NEIL1: variants seen among roughly 807,000 people sequenced by gnomAD.
The protein encoded by NEIL1 is nei like DNA glycosylase 1, also known as endonuclease 8-like 1.
NEIL1 carries 31 observed loss-of-function variants against 44.2 expected under a neutral mutation model. The observed-to-expected ratio is 0.70, with a 90% CI of 0.53 to 0.95. The LOEUF (loss-of-function observed/expected upper bound fraction) is 0.95, where lower values mean the gene tolerates loss of function less well. Among genes scored for constraint, NEIL1 ranks in the 40% least tolerant of loss-of-function variants. The probability of loss-of-function intolerance (pLI) is 0.00; values close to 1 mark genes in which losing one functional copy is unlikely to be tolerated. For missense variants in NEIL1, 549 were observed against 515.5 expected, an observed-to-expected ratio of 1.07 and a Z score of -0.63; for synonymous variants, 254 against 209.7, an observed-to-expected ratio of 1.21 and a Z score of -1.83.
At position 75,349,003 on chromosome 15, in the gene NEIL1, G is replaced by C. The variant is rs201878868; in HGVS notation, c.98G>C (p.Ser33Thr). Residue 33 changes from serine to threonine, a missense_variant, in exon 2 of 10, where the codon AGC becomes ACC. Physicochemically the swap from Ser to Thr is moderately conservative, Grantham distance 58 (BLOSUM62 1). Coordinates refer to ENST00000355059, the MANE Select transcript of NEIL1 (RefSeq NM_024608.4). ...GGCTGCGTGGAGAAGTCCTCTGTCAGCCGCAACCCTGAGGTGCCCTTTGAG... is the reference window on the plus strand; with the variant it reads ...GGCTGCGTGGAGAAGTCCTCTGTCACCCGCAACCCTGAGGTGCCCTTTGAG... ...FGGCVEKSSV[S>T]RNPEVPFESS... 64 of 1,613,654 alleles carry C rather than the reference G, an allele frequency of 4.0e-5. No individual in the cohort carries two copies. Among genetic ancestry groups the C allele is most frequent in the Non-Finnish European group, 3.4e-6 (4 of 1,180,040 alleles).
intron 5 of NEIL1, chr15:75,353,322 A>G (rs2072079789): frequency 3.4e-6 from 1 of 297,000 alleles, no homozygotes; most frequent in African/African-American, 2.2e-5. Context: ...AACTGGGCTC[A>G]AGTGATCCTC....
At chr15:75,351,171 G>C in intron 2 of NEIL1, 1 of 438,032 alleles carries the variant, frequency 2.3e-6, no homozygotes, top group Non-Finnish European at 4.5e-6. Flanking sequence ...TATACAGGGA[G>C]CTCCAGACTG....
At position 75,356,809 on chromosome 15, in the gene NEIL1, T is replaced by C; in HGVS notation, c.*1775T>C. The stretch of plus-strand genomic sequence containing the variant: ...CCCACTTACAGCGAGAGGCTGAGGA[T>C]GCTGCCTCGCACTGACGCGCCATAC... On this transcript the variant is annotated 3_prime_UTR_variant, in exon 10 of 10. Coordinates refer to ENST00000355059, the MANE Select transcript of NEIL1 (RefSeq NM_024608.4). This position sits in a 1 kb window ranked among gnomAD's most constrained non-coding sequence, Gnocchi z 5.8. The C allele has an allele frequency of 1.2e-6, 2 of 1,614,098 alleles. No individual in the cohort carries two copies. Among genetic ancestry groups the C allele is most frequent in the South Asian group, 1.1e-5 (1 of 91,088 alleles).
intron 6 of NEIL1, 97 bp downstream of exon 6, chr15:75,353,963 CT>C: frequency 3.4e-6 from 5 of 1,477,036 alleles, no homozygotes; most frequent in Non-Finnish European, 4.6e-6. Context: ...CAGGGTCTGT[CT>C]AGACCCTCCA....
rs1042243559 is a variant in NEIL1, at chr15:75,349,068, G to C, written c.163G>C (p.Glu55Gln). Residue 55 changes from glutamate (E) to glutamine (Q), a missense_variant, in exon 2 of 10, where the codon GAG (glutamate) becomes CAG (glutamine). By Grantham distance (29) the Glu-to-Gln change is conservative. Coordinates refer to ENST00000355059, the MANE Select transcript of NEIL1 (RefSeq NM_024608.4). Reference protein sequence around the residue: ...YRISASARGKELRLILSPLPG... With the variant: ...YRISASARGKQLRLILSPLPG... Reference sequence around the variant, plus strand: ...CATCTCAGCTTCAGCCCGCGGCAAGGAGCTGCGCCTGATACTGAGCCCTCT... The same window carrying C: ...CATCTCAGCTTCAGCCCGCGGCAAGCAGCTGCGCCTGATACTGAGCCCTCT... The C allele has an allele frequency of 1.4e-5, 22 of 1,613,312 alleles. No individual in the cohort carries two copies. Among genetic ancestry groups the C allele is most frequent in the Non-Finnish European group, 1.4e-5 (16 of 1,179,980 alleles).
chr15:75,356,380 G>C lies in NEIL1; in HGVS notation c.*1346G>C. ...GGAGGTGGCGGGCGCTGGGCTGGGG[G>C]CTGGCAGAGCCAACAGGGGGAAGTT... On this transcript the variant is annotated 3_prime_UTR_variant, in exon 10 of 10. Transcript: ENST00000355059. This position sits in a 1 kb window ranked among gnomAD's most constrained non-coding sequence, Gnocchi z 5.8. 6.2e-7 allele frequency: 1 copy of C among 1,611,606 alleles called. No individual in the cohort carries two copies. Among genetic ancestry groups the C allele is most frequent in the South Asian group, 1.1e-5 (1 of 90,598 alleles).
At chr15:75,349,589 G>A (rs1254219593) in intron 2 of NEIL1, 2 of 516,820 alleles carry the variant, frequency 3.9e-6, no homozygotes, top group South Asian at 2.7e-5. Flanking sequence ...GCCGAGGCGG[G>A]CAGATCACGA....
chr15:75,350,751 G>A (rs950277744), intron 2 of NEIL1, among the ~76,000 whole-genome samples: 3 of 152,058 alleles, frequency 2.0e-5, no homozygotes, highest in Non-Finnish European at 2.9e-5. Context: ...GGGGAGTCAC[G>A]CCACAAGTTA....
rs1307036480 is a variant in NEIL1 at position 75,354,414 on chromosome 15, A to C, written c.875-17A>C. On this transcript the variant is annotated splice_polypyrimidine_tract_variant and intron_variant, in intron 7 of 9. Coordinates refer to ENST00000355059, the MANE Select transcript of NEIL1 (RefSeq NM_024608.4). ...GGCAGGATAGGACCCTCCAACTCCAACACCAGTGTCCTGCAGGGCGCAAGT... is the reference window on the plus strand; with the variant it reads ...GGCAGGATAGGACCCTCCAACTCCACCACCAGTGTCCTGCAGGGCGCAAGT... 39 of 1,613,928 alleles carry C rather than the reference A, an allele frequency of 2.4e-5. No individual in the cohort carries two copies. Among genetic ancestry groups the C allele is most frequent in the Non-Finnish European group, 3.2e-5 (38 of 1,179,966 alleles).
chr15:75,357,115 A>G lies in NEIL1; in HGVS notation c.*2081A>G, dbSNP rs2072339069. 5.2e-6 allele frequency: 3 copies of G among 573,706 alleles called. No individual in the cohort carries two copies. The highest frequency in any genetic ancestry group is 1.9e-5 in the African/African-American group (1 of 53,440). The allele number at this position is 573,706 out of a possible 1,614,324, so 35.5% of individuals were successfully genotyped here. A position where few individuals can be genotyped will look rare whatever the true frequency, so the allele number is the denominator to read the frequency against. ...GGGAATAAATAATAGTACTCACCCC[A>G]TCGAATGATCATGAGTATCAAATTA... On this transcript the variant is annotated 3_prime_UTR_variant, in exon 10 of 10. Transcript: ENST00000355059.
chr15:75,349,376 G>C (rs759997914), intron 2 of NEIL1, 37 bp downstream of exon 2: 41 of 1,552,824 alleles, frequency 2.6e-5, no homozygotes, highest in Non-Finnish European at 3.6e-5. Context: ...CATAGTCGCG[G>C]GCTCCACACC....
At chr15:75,349,410 CCAA>C (rs557806672) in intron 2 of NEIL1, 71 bp downstream of exon 2, 9 of 1,435,954 alleles carry the variant, frequency 6.3e-6, no homozygotes, top group Non-Finnish European at 8.5e-6. Flanking sequence ...GCCTTCTTGG[CCAA>C]CAAGGGGCGA....
Position 75,355,797 on chromosome 15 carries a change from G to C in NEIL1, c.*763G>C. ...AAGGGGACTGAGCAGCAGGGTTCCC[G>C]ATCCAAGGATTTATTCCACAAGAAA... On this transcript the variant is annotated 3_prime_UTR_variant, in exon 10 of 10. Transcript: ENST00000355059. 8.6e-7 allele frequency: 1 copy of C among 1,168,270 alleles called. No individual in the cohort carries two copies. The allele number at this position is 1,168,270 out of a possible 1,614,324, so 72.4% of individuals were successfully genotyped here. A position where few individuals can be genotyped will look rare whatever the true frequency, so the allele number is the denominator to read the frequency against.
In NEIL1 at chr15:75,352,661, G is replaced by A. The variant is rs897446918; in HGVS notation, c.678G>A (p.Leu226=). Residue 226 remains leucine (L), a synonymous_variant, in exon 5 of 10, where the codon CTG becomes CTA. Coordinates refer to ENST00000355059, the MANE Select transcript of NEIL1 (RefSeq NM_024608.4). ...IRTKLQNPDL[L]ELCHSVPKEV... is the part of the protein sequence containing the mutation. ...CCAAGCTGCAGAATCCAGACCTGCT[G>A]GAGCTATGTCACTCAGTGCCCAAGG... 2 of 1,613,362 alleles carry A rather than the reference G, an allele frequency of 1.2e-6. No homozygotes were observed. The highest frequency in any genetic ancestry group is 8.5e-7 in the Non-Finnish European group (1 of 1,179,682).
At chr15:75,350,577 G>A (rs746020872) in intron 2 of NEIL1, among the ~76,000 whole-genome samples, 3 of 152,272 alleles carry the variant, frequency 2.0e-5, no homozygotes, top group East Asian at 1.9e-4. Flanking sequence ...GATGCTGTGC[G>A]TCCGTTGACC....
intron 1 of NEIL1, 49 bp downstream of exon 1, chr15:75,347,522 G>C (rs1450990978): frequency 6.5e-6 from 1 of 152,752 alleles, no homozygotes; most frequent in Admixed American, 6.5e-5. Context: ...CCAAGCTCGG[G>C]GACCCCACCC....
chr15:75,353,279 T>C (rs550990645), intron 5 of NEIL1: 12 of 265,768 alleles, frequency 4.5e-5, no homozygotes, highest in African/African-American at 2.4e-4. Context: ...TTGGTAGAGA[T>C]AGGATCTTGC....
Position 75,356,990 on chromosome 15 carries a change from C to G in NEIL1, c.*1956C>G, listed in dbSNP as rs2072334628. The G allele has an allele frequency of 9.1e-7, 1 of 1,092,898 alleles. No individual in the cohort carries two copies. Among genetic ancestry groups the G allele is most frequent in the Non-Finnish European group, 1.4e-6 (1 of 732,202 alleles). The allele number at this position is 1,092,898 out of a possible 1,614,324, so 67.7% of individuals were successfully genotyped here. A position where few individuals can be genotyped will look rare whatever the true frequency, so the allele number is the denominator to read the frequency against. ...AGAGCTCCTGTCACTAGGCCGAGCA[C>G]AAGCTCTAGAACCACACAACTGAAC... On this transcript the variant is annotated 3_prime_UTR_variant, in exon 10 of 10. Transcript: ENST00000355059. The surrounding 1 kb of genome is among the most constrained non-coding windows in gnomAD (Gnocchi z 5.8).
chr15:75,349,116 G>A lies in NEIL1; in HGVS notation c.211G>A (p.Glu71Lys), dbSNP rs1450639391. 3 of 1,611,668 alleles carry A rather than the reference G, an allele frequency of 1.9e-6. No individual in the cohort carries two copies. Among genetic ancestry groups the A allele is most frequent in the Middle Eastern group, 1.7e-4 (1 of 6,008 alleles). Residue 71 changes from glutamate (E) to lysine (K), a missense_variant, in exon 2 of 10, where the codon GAG becomes AAG. By Grantham distance (56) the Glu-to-Lys change is moderately conservative (BLOSUM62 1). Transcript: ENST00000355059. ...TCTGCCTGGGGCCCAGCCCCAACAG[G>A]AGCCACTGGCCCTGGTCTTCCGCTT... Reference protein sequence around the residue: ...SPLPGAQPQQEPLALVFRFGM... With the variant: ...SPLPGAQPQQKPLALVFRFGM...
Sources: gnomAD v4.1 joint callset for allele counts (sites outside exome capture counted in the v4.1 genomes callset) on GRCh38, gnomAD v4.1.1 for gene constraint, Gnocchi (gnomAD v3.1) non-coding constraint, MANE v1.5 for transcripts, NCBI Gene and HGNC (gene_info 2026-07-23, HGNC 2026-07-21) for gene names.